Variants in SPRYD4 observed in about 807,000 individuals in gnomAD.
The protein encoded by SPRYD4 is SPRY domain-containing protein 4.
A neutral mutation model predicts 16.6 loss-of-function variants in SPRYD4; 12 were observed. The observed-to-expected ratio is 0.72, with a 90% CI of 0.46 to 1.17. The LOEUF (loss-of-function observed/expected upper bound fraction) is 1.17. Ranked by LOEUF, SPRYD4 falls within the 50% of genes most tolerant of loss-of-function variation. SPRYD4 has a pLI of 0.00. For synonymous variants in SPRYD4, 98 were observed against 105.4 expected (o/e 0.93, Z 0.43); for missense variants, 260 against 260.2 (o/e 1.00, Z 0.00).
Position 56,475,158 on chromosome 12 carries a change from T to C in SPRYD4, c.*5581T>C, listed in dbSNP as rs770263544. The C allele has an allele frequency of 1.4e-5, 22 of 1,611,964 alleles. No individual in the cohort carries two copies. In the African/African-American group the frequency reaches 1.9e-4, roughly 14 times the overall value. ...TACTTGAAGTTGGAGGAGTGGGTGT[T>C]GGGAGAAGGGGAAAAATTACCTTCC... On this transcript the variant is annotated 3_prime_UTR_variant, in exon 2 of 2. Transcript: ENST00000338146.
chr12:56,478,252 T>C lies in SPRYD4; in HGVS notation c.*8675T>C, dbSNP rs1869999965. 1 of 1,614,036 alleles carries C rather than the reference T, an allele frequency of 6.2e-7. No individual in the cohort carries two copies. Among genetic ancestry groups the C allele is most frequent in the South Asian group, 1.1e-5 (1 of 91,084 alleles). On this transcript the variant is annotated 3_prime_UTR_variant, in exon 2 of 2. Transcript: ENST00000338146. ...GTTTGACTTGGCCAGCTGAGGGATG[T>C]AGGCTGCCACCTGGACATGAGTGGG...
rs746211057 is a variant in SPRYD4 at position 56,469,365 on chromosome 12, G to A, written c.412G>A (p.Glu138Lys). 2 of 1,614,182 alleles carry A rather than the reference G, an allele frequency of 1.2e-6. No individual in the cohort carries two copies. The highest frequency in any genetic ancestry group is 2.2e-5 in the South Asian group (2 of 91,080). ...CAAGTGGTACACCATGTTGGCCAAC[G>A]AGAAAGCCCCAGTTGAGGGTATTGG... ...QRKWYTMLAN[E>K]KAPVEGIGQP... The change falls in exon 2 of 2, where the codon GAG becomes AAG. Residue 138 changes from glutamate (E) to lysine (K), a missense_variant. Coordinates refer to ENST00000338146, the MANE Select transcript of SPRYD4 (RefSeq NM_207344.4).
rs988422741 is a variant in SPRYD4 at position 56,478,778 on chromosome 12, A to C, written c.*9201A>C. ...GAGGCCGAGGTGGGTGGATCACTTGAGATCAGGAGTTCGAGACCAGCCTGG... is the reference window on the plus strand; with the variant it reads ...GAGGCCGAGGTGGGTGGATCACTTGCGATCAGGAGTTCGAGACCAGCCTGG... On this transcript the variant is annotated 3_prime_UTR_variant, in exon 2 of 2. Coordinates refer to ENST00000338146, the MANE Select transcript of SPRYD4 (RefSeq NM_207344.4). 3 of 333,474 alleles carry C rather than the reference A, an allele frequency of 9.0e-6. No homozygotes were observed. Among genetic ancestry groups the C allele is most frequent in the Non-Finnish European group, 1.7e-5 (3 of 180,684 alleles). The allele number at this position is 333,474 out of a possible 1,614,324, so 20.7% of individuals were successfully genotyped here. A position where few individuals can be genotyped will look rare whatever the true frequency, so the allele number is the denominator to read the frequency against.
intron 1 of SPRYD4, 28 bp downstream of exon 1, chr12:56,468,704 C>T: frequency 6.3e-7 from 1 of 1,598,774 alleles, no homozygotes; most frequent in Non-Finnish European, 8.6e-7. Flanking sequence ...TACTCTTTTA[C>T]CTCCAGAATG....
At position 56,474,250 on chromosome 12, in the gene SPRYD4, CG is replaced by C. The variant is rs1034444438; in HGVS notation, c.*4675del. On this transcript the variant is annotated 3_prime_UTR_variant, in exon 2 of 2. Coordinates refer to ENST00000338146, the MANE Select transcript of SPRYD4 (RefSeq NM_207344.4). ...GATTACAGGTGCACACCACCACCCC[CG>C]GCTAATTTTTTGTATTTAGTAGAGA... 3 of 372,978 alleles carry C rather than the reference CG, an allele frequency of 8.0e-6. No homozygotes were observed. The highest frequency in any genetic ancestry group is 1.5e-5 in the Non-Finnish European group (3 of 197,770). 23.1% of individuals were successfully genotyped at this position (372,978 alleles called of 1,614,324 possible).
In SPRYD4 at chr12:56,474,601, G is replaced by A. The variant is rs142538503; in HGVS notation, c.*5024G>A. 1 of 1,614,200 alleles carries A rather than the reference G, an allele frequency of 6.2e-7. No individual in the cohort carries two copies. Among genetic ancestry groups the A allele is most frequent in the Non-Finnish European group, 8.5e-7 (1 of 1,180,042 alleles). ...TGCCGCAGGAATGCATGAGGCTGAG[G>A]GTGTTGCGCACTGCTTCAGCACTCA... On this transcript the variant is annotated 3_prime_UTR_variant, in exon 2 of 2. Transcript: ENST00000338146.
rs113640151 is a variant in SPRYD4, at chr12:56,474,697, A to G, written c.*5120A>G. 3.1e-6 allele frequency: 5 copies of G among 1,611,838 alleles called. No individual in the cohort carries two copies. Among genetic ancestry groups the G allele is most frequent in the Non-Finnish European group, 4.2e-6 (5 of 1,178,512 alleles). The stretch of plus-strand genomic sequence containing the variant: ...TGGCTGCCATGACACTGCCTGATTC[A>G]CAAGTGACCTCCACAGAACACAGCT... On this transcript the variant is annotated 3_prime_UTR_variant, in exon 2 of 2. Coordinates refer to ENST00000338146, the MANE Select transcript of SPRYD4 (RefSeq NM_207344.4).
At position 56,468,606 on chromosome 12, in the gene SPRYD4, T is replaced by C; in HGVS notation, c.15T>C (p.Phe5=). The change falls in exon 1 of 2, where the codon TTT becomes TTC. Residue 5 remains phenylalanine, a synonymous_variant. Transcript: ENST00000338146. ...CAAGGCGCAAGATGGCGCTGCTTTT[T>C]GCACGTTCTTTGCGCTTGTGCCGCT... MALL[F]ARSLRLCRWG... The C allele has an allele frequency of 6.2e-7, 1 of 1,613,664 alleles. No homozygotes were observed. Among genetic ancestry groups the C allele is most frequent in the Non-Finnish European group, 8.5e-7 (1 of 1,180,002 alleles).
chr12:56,472,089 C>T lies in SPRYD4; in HGVS notation c.*2512C>T. On this transcript the variant is annotated 3_prime_UTR_variant, in exon 2 of 2. Coordinates refer to ENST00000338146, the MANE Select transcript of SPRYD4 (RefSeq NM_207344.4). ...AAAAAGAAAGGGTCTTATGATTACCCTCCTCCTCCCCTCCTTAACCCTTCA... is the reference window on the plus strand; with the variant it reads ...AAAAAGAAAGGGTCTTATGATTACCTTCCTCCTCCCCTCCTTAACCCTTCA... 6.2e-7 allele frequency: 1 copy of T among 1,606,372 alleles called. No individual in the cohort carries two copies. The highest frequency in any genetic ancestry group is 8.5e-7 in the Non-Finnish European group (1 of 1,173,464).
In SPRYD4 at chr12:56,475,467, A is replaced by G. The variant is rs1281548849; in HGVS notation, c.*5890A>G. ...AACAAATTATTTTACAAGATAAACA[A>G]ATGTTTATGAAGGGACTCAGAGGAA... is the stretch of plus-strand genomic sequence containing the variant. On this transcript the variant is annotated 3_prime_UTR_variant, in exon 2 of 2. Coordinates refer to ENST00000338146, the MANE Select transcript of SPRYD4 (RefSeq NM_207344.4). 2 of 744,790 alleles carry G rather than the reference A, an allele frequency of 2.7e-6. No individual in the cohort carries two copies. The highest frequency in any genetic ancestry group is 4.4e-6 in the Non-Finnish European group (2 of 458,380). 46.1% of individuals were successfully genotyped at this position (744,790 alleles called of 1,614,324 possible). A position where few individuals can be genotyped will look rare whatever the true frequency, so the allele number is the denominator to read the frequency against.
At chr12:56,468,984 C>A in intron 1 of SPRYD4, 55 bp from the exon 2 acceptor site, 1 of 1,508,686 alleles carries the variant, frequency 6.6e-7, no homozygotes, top group South Asian at 1.3e-5. Flanking sequence ...GAATATATCA[C>A]CAGCCCTAGG....
At position 56,474,349 on chromosome 12, in the gene SPRYD4, A is replaced by C. The variant is rs918481373; in HGVS notation, c.*4772A>C. 6.5e-5 allele frequency: 43 copies of C among 665,952 alleles called. No homozygotes were observed. Among genetic ancestry groups the C allele is most frequent in the Non-Finnish European group, 9.5e-5 (38 of 400,330 alleles). The allele number at this position is 665,952 out of a possible 1,614,324, so 41.3% of individuals were successfully genotyped here. Reference sequence around the variant, plus strand: ...GGTGATCCACCTGCCTCGGCCTCCCAAAGACATCTCTTTATATATTCGAGG... The same window carrying C: ...GGTGATCCACCTGCCTCGGCCTCCCCAAGACATCTCTTTATATATTCGAGG... On this transcript the variant is annotated 3_prime_UTR_variant, in exon 2 of 2. Transcript: ENST00000338146.
chr12:56,475,452 T>G lies in SPRYD4; in HGVS notation c.*5875T>G, dbSNP rs1039606223. On this transcript the variant is annotated 3_prime_UTR_variant, in exon 2 of 2. Coordinates refer to ENST00000338146, the MANE Select transcript of SPRYD4 (RefSeq NM_207344.4). Reference sequence around the variant, plus strand: ...ACTAATTAGAAATGGAACAAATTATTTTACAAGATAAACAAATGTTTATGA... The same window carrying G: ...ACTAATTAGAAATGGAACAAATTATGTTACAAGATAAACAAATGTTTATGA... 1 of 727,544 alleles carries G rather than the reference T, an allele frequency of 1.4e-6. No homozygotes were observed. The highest frequency in any genetic ancestry group is 2.2e-6 in the Non-Finnish European group (1 of 448,342). 45.1% of individuals were successfully genotyped at this position (727,544 alleles called of 1,614,324 possible).
At chr12:56,468,808 A>C (rs1278587711) in intron 1 of SPRYD4, 132 bp downstream of exon 1, 8 of 1,114,528 alleles carry the variant, frequency 7.2e-6, no homozygotes, top group Non-Finnish European at 1.0e-5. Context: ...TTAAGATTCC[A>C]AACCTGTGAT....
In SPRYD4 at chr12:56,469,589, C is replaced by G; in HGVS notation, c.*12C>G. ...CCGAGGGCCTCTAGTATGTCCATTA[C>G]TGGAGTCCCTAATCACGCCTTTGGC... On this transcript the variant is annotated 3_prime_UTR_variant, in exon 2 of 2. Coordinates refer to ENST00000338146, the MANE Select transcript of SPRYD4 (RefSeq NM_207344.4). The G allele has an allele frequency of 6.2e-7, 1 of 1,602,304 alleles. No homozygotes were observed. The highest frequency in any genetic ancestry group is 2.2e-5 in the East Asian group (1 of 44,608).
Position 56,472,419 on chromosome 12 carries a change from C to T in SPRYD4, c.*2842C>T. ...TTCCAGAAATATCACTCACTGCCTA[C>T]CTGTGGTAAGTGCCCATTTGAGGCA... On this transcript the variant is annotated 3_prime_UTR_variant, in exon 2 of 2. Transcript: ENST00000338146. 2 of 606,942 alleles carry T rather than the reference C, an allele frequency of 3.3e-6. No individual in the cohort carries two copies. Among genetic ancestry groups the T allele is most frequent in the East Asian group, 2.8e-5 (1 of 36,144 alleles). 37.6% of individuals were successfully genotyped at this position (606,942 alleles called of 1,614,324 possible).
At position 56,471,493 on chromosome 12, in the gene SPRYD4, C is replaced by T; in HGVS notation, c.*1916C>T. ...GGCTGTCCATGACCTGTGCTCATAC[C>T]ATGCTTTCTAAGTTCTCTTTGGACA... On this transcript the variant is annotated 3_prime_UTR_variant, in exon 2 of 2. Coordinates refer to ENST00000338146, the MANE Select transcript of SPRYD4 (RefSeq NM_207344.4). 1 of 1,612,628 alleles carries T rather than the reference C, an allele frequency of 6.2e-7. No individual in the cohort carries two copies. The highest frequency in any genetic ancestry group is 8.5e-7 in the Non-Finnish European group (1 of 1,179,270).
Position 56,479,701 on chromosome 12 carries a change from C to T in SPRYD4, c.*10124C>T. On this transcript the variant is annotated 3_prime_UTR_variant, in exon 2 of 2. Coordinates refer to ENST00000338146, the MANE Select transcript of SPRYD4 (RefSeq NM_207344.4). ...ATGAGGAATTGAACTATACAATTCC[C>T]AAATTCCTCCCTGCTCTGAGAGTCT... 2.7e-6 allele frequency: 4 copies of T among 1,463,638 alleles called. No homozygotes were observed. The highest frequency in any genetic ancestry group is 3.6e-6 in the Non-Finnish European group (4 of 1,099,668). 90.7% of individuals were successfully genotyped at this position (1,463,638 alleles called of 1,614,324 possible).
At position 56,472,821 on chromosome 12, in the gene SPRYD4, C is replaced by G. The variant is rs906384806; in HGVS notation, c.*3244C>G. The stretch of plus-strand genomic sequence containing the variant: ...ATGCCAGCTGTGCCCTGTGACCCTC[C>G]TCCATGGATGCTTAGTCCAAGGGTA... On this transcript the variant is annotated 3_prime_UTR_variant, in exon 2 of 2. Coordinates refer to ENST00000338146, the MANE Select transcript of SPRYD4 (RefSeq NM_207344.4). The G allele has an allele frequency of 7.0e-6, 9 of 1,282,038 alleles. No homozygotes were observed. The highest frequency in any genetic ancestry group is 1.0e-5 in the Non-Finnish European group (9 of 877,948). The allele number at this position is 1,282,038 out of a possible 1,614,324, so 79.4% of individuals were successfully genotyped here. A position where few individuals can be genotyped will look rare whatever the true frequency, so the allele number is the denominator to read the frequency against.
Sources: gnomAD v4.1 joint callset for allele counts on GRCh38, gnomAD v4.1.1 for gene constraint, MANE v1.5 for transcripts, NCBI Gene and HGNC (gene_info 2026-07-23, HGNC 2026-07-21) for gene names.